EGFLAM: variants seen among roughly 807,000 people sequenced by gnomAD.
EGFLAM encodes pikachurin.
A neutral mutation model predicts 113.1 loss-of-function variants in EGFLAM; 79 were observed. The ratio of observed to expected loss-of-function variants is 0.70; its 90% CI spans 0.58 to 0.84. EGFLAM has a LOEUF of 0.84. Among genes scored for constraint, EGFLAM ranks in the 40% least tolerant of loss-of-function variants. The pLI is 0.00. For synonymous variants in EGFLAM, 504 were observed against 487.6 expected, an observed-to-expected ratio of 1.03 and a Z score of -0.44; for missense variants, 1,265 against 1,291.6, an observed-to-expected ratio of 0.98 and a Z score of 0.32.
In EGFLAM at chr5:38,370,442, G is replaced by C. The variant is rs767521101; in HGVS notation, c.692G>C (p.Ser231Thr). The change falls in exon 6 of 22, where the codon AGT becomes ACT. Residue 231 changes from serine (S) to threonine (T), a missense_variant. By Grantham distance (58) the Ser-to-Thr change is moderately conservative (BLOSUM62 1). Coordinates refer to ENST00000322350, the MANE Select transcript of EGFLAM (RefSeq NM_152403.4). ...SHGPSPRSWP[S>T]DIIRTLCPEE... ...GGCCCCAGCCCCCGCAGCTGGCCCAGTGACATCATCCGGACCCTCTGTGAG... is the reference window on the plus strand; with the variant it reads ...GGCCCCAGCCCCCGCAGCTGGCCCACTGACATCATCCGGACCCTCTGTGAG... 4 of 1,614,134 alleles carry C rather than the reference G, an allele frequency of 2.5e-6. No homozygotes were observed. Among genetic ancestry groups the C allele is most frequent in the Admixed American group, 3.3e-5 (2 of 60,028 alleles).
chr5:38,275,031 A>G (rs1757853438), intron 1 of EGFLAM, among the ~76,000 whole-genome samples: 1 of 152,170 alleles, frequency 6.6e-6, no homozygotes, highest in Non-Finnish European at 1.5e-5. Flanking sequence ...ATAATCTGTT[A>G]TAACTATAAG....
At chr5:38,301,994 CT>C (rs1758592527) in intron 1 of EGFLAM, among the ~76,000 whole-genome samples, 1 of 152,082 alleles carries the variant, frequency 6.6e-6, no homozygotes, top group Admixed American at 6.6e-5. Context: ...AATCCCAGCA[CT>C]TTGGGAGGCC....
At chr5:38,289,834 G>A (rs1333806682) in intron 1 of EGFLAM, among the ~76,000 whole-genome samples, 4 of 152,184 alleles carry the variant, frequency 2.6e-5, no homozygotes, top group South Asian at 2.1e-4. Context: ...GGAAGGCCAC[G>A]GTAGTCTCCT....
chr5:38,423,139 C>G (rs1033812631), intron 12 of EGFLAM, among the ~76,000 whole-genome samples: 3 of 152,220 alleles, frequency 2.0e-5, no homozygotes, highest in Non-Finnish European at 2.9e-5. Flanking sequence ...CATTTCTTCC[C>G]TCCTGCACCA....
intron 12 of EGFLAM, among the ~76,000 whole-genome samples, 191 bp downstream of exon 12, chr5:38,418,446 G>A (rs918600125): frequency 3.9e-5 from 6 of 152,164 alleles, no homozygotes; most frequent in African/African-American, 9.7e-5. Flanking sequence ...TGCTGACCCC[G>A]CATCTGAACA....
intron 14 of EGFLAM, among the ~76,000 whole-genome samples, chr5:38,430,671 C>T (rs1346692345): frequency 1.3e-5 from 2 of 152,168 alleles, no homozygotes; most frequent in African/African-American, 4.8e-5. Flanking sequence ...AGAGATTTAT[C>T]ATGAGGCATT....
chr5:38,417,364 A>AAAAAAC (rs1561080175), intron 11 of EGFLAM, among the ~76,000 whole-genome samples: 5 of 148,836 alleles, frequency 3.4e-5, no homozygotes. Context: ...AAAAAAAAAA[A>AAAAAAC]AAAAACAAAA....
At chr5:38,392,620 CTT>C (rs548367655) in intron 6 of EGFLAM, among the ~76,000 whole-genome samples, 1 of 145,410 alleles carries the variant, frequency 6.9e-6, no homozygotes, top group African/African-American at 2.7e-5. Context: ...AGAATCTATT[CTT>C]TTTTTTTGGG....
intron 6 of EGFLAM, among the ~76,000 whole-genome samples, chr5:38,391,378 T>TCTTC (rs200840175): frequency 1.6e-5 from 2 of 126,582 alleles, no homozygotes; most frequent in African/African-American, 3.7e-5. Context: ...TTCTTTTTTC[T>TCTTC]TTTCTTTGTG....
intron 1 of EGFLAM, among the ~76,000 whole-genome samples, chr5:38,310,645 C>T (rs889497095): frequency 1.3e-5 from 2 of 151,928 alleles, no homozygotes; most frequent in South Asian, 4.1e-4. Context: ...AATTTTTTTC[C>T]CTAATGCCTT....
At chr5:38,363,807 G>A (rs1739989434) in intron 5 of EGFLAM, among the ~76,000 whole-genome samples, 1 of 152,174 alleles carries the variant, frequency 6.6e-6, no homozygotes, top group East Asian at 1.9e-4. Flanking sequence ...AAACCATGCT[G>A]TTGTCTTAGA....
At chr5:38,330,051 A>G (rs758448389) in intron 1 of EGFLAM, among the ~76,000 whole-genome samples, 1 of 152,186 alleles carries the variant, frequency 6.6e-6, no homozygotes, top group Non-Finnish European at 1.5e-5. Flanking sequence ...GCACATTACA[A>G]TTCACGCTTT....
At chr5:38,403,520 C>T (rs967672574) in intron 6 of EGFLAM, 1 of 265,076 alleles carries the variant, frequency 3.8e-6, no homozygotes, top group Non-Finnish European at 7.5e-6. Context: ...ATAAGCACTT[C>T]GATACCATGA....
At chr5:38,416,947 T>G (rs917904900) in intron 11 of EGFLAM, among the ~76,000 whole-genome samples, 1 of 152,210 alleles carries the variant, frequency 6.6e-6, no homozygotes, top group Non-Finnish European at 1.5e-5. Flanking sequence ...GTATCAAGAT[T>G]ATGTTTCAGA....
At chr5:38,355,804 A>G (rs1383046102) in intron 5 of EGFLAM, among the ~76,000 whole-genome samples, 2 of 152,226 alleles carry the variant, frequency 1.3e-5, no homozygotes, top group Non-Finnish European at 2.9e-5. Flanking sequence ...CTTGTTGCCC[A>G]GGCTGGAGTG....
At chr5:38,379,396 G>C (rs1400521135) in intron 6 of EGFLAM, among the ~76,000 whole-genome samples, 1 of 151,724 alleles carries the variant, frequency 6.6e-6, no homozygotes, top group Non-Finnish European at 1.5e-5. Context: ...ACAGGAGAGA[G>C]TAAATGATGC....
At position 38,275,017 on chromosome 5, in the gene EGFLAM, T is replaced by G. The variant is rs56040247; in HGVS notation, c.97+16166T>G. On this transcript the variant is annotated intron_variant, in intron 1 of 21. Transcript: ENST00000322350. ...AATCAAAGTTAAGTTGTTATTAGCT[T>G]AAAATAATCTGTTATAACTATAAGA... 5.9e-5 allele frequency among the ~76,000 whole-genome samples: 9 copies of G among 152,314 alleles called. No homozygotes were observed. The East Asian group carries it at 1.2e-3, about 20-fold the overall frequency.
rs1191485852 is a variant in EGFLAM, at chr5:38,465,205, T to C, written c.*1219T>C. ...GACTTCTTCCTTCTGTACCATGAGCTGTGTCCCTTTACTATGCAAGCACAT... is the reference window on the plus strand; with the variant it reads ...GACTTCTTCCTTCTGTACCATGAGCCGTGTCCCTTTACTATGCAAGCACAT... On this transcript the variant is annotated 3_prime_UTR_variant, in exon 22 of 22. Transcript: ENST00000322350. Among the ~76,000 whole-genome samples, 1 of 152,152 alleles carries C rather than the reference T, an allele frequency of 6.6e-6. No individual in the cohort carries two copies. The highest frequency in any genetic ancestry group is 1.5e-5 in the Non-Finnish European group (1 of 68,032).
chr5:38,311,556 T>C (rs1738446131), intron 1 of EGFLAM, among the ~76,000 whole-genome samples: 1 of 152,208 alleles, frequency 6.6e-6, no homozygotes, highest in Non-Finnish European at 1.5e-5. Flanking sequence ...TAGTATCCCA[T>C]TGTGTGTGTA....
Sources: gnomAD v4.1 joint callset for allele counts (sites outside exome capture counted in the v4.1 genomes callset) on GRCh38, gnomAD v4.1.1 for gene constraint, MANE v1.5 for transcripts, NCBI Gene and HGNC (gene_info 2026-07-23, HGNC 2026-07-21) for gene names.